Variants in SEPTIN8 observed in about 807,000 individuals in gnomAD.
SEPTIN8 encodes septin-8.
A neutral mutation model predicts 53.1 loss-of-function variants in SEPTIN8; 22 were observed. That is an observed-to-expected ratio of 0.41 (90% CI 0.30 to 0.59). The LOEUF (loss-of-function observed/expected upper bound fraction) is 0.59. Among genes scored for constraint, SEPTIN8 ranks in the 20% least tolerant of loss-of-function variants. The probability of loss-of-function intolerance (pLI) is 0.24; values close to 1 mark genes in which losing one functional copy is unlikely to be tolerated. For missense variants in SEPTIN8, 536 were observed against 638.7 expected (o/e 0.84, Z 1.73); for synonymous variants, 228 against 248.4 (o/e 0.92, Z 0.77).
At chr5:132,778,869 T>C (rs1232591436), upstream of SEPTIN8, among the ~76,000 whole-genome samples, 1 of 152,234 alleles carries the variant, frequency 6.6e-6, no homozygotes, top group Non-Finnish European at 1.5e-5. Context: ...CATCCTAGAC[T>C]GTATCTACTG....
At position 132,752,053 on chromosome 5, in the gene SEPTIN8, A is replaced by G. The variant is rs1422617646; in HGVS notation, c.1415T>C (p.Leu472Pro). 6.2e-7 allele frequency: 1 copy of G among 1,610,274 alleles called. No homozygotes were observed. The change falls in exon 10 of 10, where the codon CTG (leucine) becomes CCG (proline). Residue 472 changes from leucine (L) to proline (P), a missense_variant. Transcript: ENST00000378719. ...TTCCCTCCACGTCGCATCCCTGACC[A>G]GGCAGCTGCAGCACTGTATGGCGGG... ...WWPAIQCCSCLVRDATWREGF... is the reference protein window; with the variant it reads ...WWPAIQCCSCPVRDATWREGF...
chr5:132,770,521 G>C (rs1040881423), intron 1 of SEPTIN8, among the ~76,000 whole-genome samples: 1 of 152,130 alleles, frequency 6.6e-6, no homozygotes, highest in Non-Finnish European at 1.5e-5. Context: ...AATTTTTAAA[G>C]ATTGACAACC....
chr5:132,779,245 C>T (rs888015176), upstream of SEPTIN8, among the ~76,000 whole-genome samples: 2 of 152,180 alleles, frequency 1.3e-5, no homozygotes, highest in African/African-American at 4.8e-5. Context: ...ATATAACGAT[C>T]ATTTCTCACA....
Position 132,761,518 on chromosome 5 carries a change from C to T in SEPTIN8, c.902G>A (p.Arg301Gln), listed in dbSNP as rs774060235. Reference protein sequence around the residue: ...QTHSRHYELYRRCKLEEMGFQ... With the variant: ...QTHSRHYELYQRCKLEEMGFQ... Reference sequence around the variant, plus strand: ...GCCCATCTCCTCCAACTTGCAGCGCCGGTAGAGCTCGTAGTGCCGGCTGTG... The same window carrying T: ...GCCCATCTCCTCCAACTTGCAGCGCTGGTAGAGCTCGTAGTGCCGGCTGTG... The change falls in exon 7 of 10, where the codon CGG (arginine) becomes CAG (glutamine). Residue 301 changes from arginine to glutamine, a missense_variant. Around this residue, in one of 3 missense-constraint regions of SEPTIN8, gnomAD observed 395 missense variants for 451.8 expected, o/e 0.87. Coordinates refer to ENST00000378719, the MANE Select transcript of SEPTIN8 (RefSeq NM_001098811.2). This position sits in a 1 kb window ranked among gnomAD's most constrained non-coding sequence, Gnocchi z 5.8. The T allele has an allele frequency of 8.7e-6, 14 of 1,613,656 alleles. No homozygotes were observed. The highest frequency in any genetic ancestry group is 8.0e-5 in the African/African-American group (6 of 74,878).
At position 132,751,165 on chromosome 5, in the gene SEPTIN8, T is replaced by A; in HGVS notation, c.*851A>T. ...CATACGGAAGAGTGAAAAGGTATCT[T>A]AAATCCAACACAGTTCCACCAGACT... On this transcript the variant is annotated 3_prime_UTR_variant, in exon 10 of 10. Coordinates refer to ENST00000378719, the MANE Select transcript of SEPTIN8 (RefSeq NM_001098811.2). The A allele has an allele frequency of 1.6e-6, 1 of 635,338 alleles. No homozygotes were observed. Among genetic ancestry groups the A allele is most frequent in the Non-Finnish European group, 2.5e-6 (1 of 395,600 alleles). 39.4% of individuals were successfully genotyped at this position (635,338 alleles called of 1,614,324 possible). A position where few individuals can be genotyped will look rare whatever the true frequency, so the allele number is the denominator to read the frequency against.
intron 1 of SEPTIN8, among the ~76,000 whole-genome samples, chr5:132,769,982 CATATA>C: frequency 1.8e-5 from 1 of 55,350 alleles, no homozygotes; most frequent in African/African-American, 6.0e-5. Context: ...TCTATATATA[CATATA>C]TATATATATA....
At position 132,765,887 on chromosome 5, in the gene SEPTIN8, T is replaced by C. The variant is rs184082554; in HGVS notation, c.31-358A>G. On this transcript the variant is annotated intron_variant, in intron 1 of 9. Coordinates refer to ENST00000378719, the MANE Select transcript of SEPTIN8 (RefSeq NM_001098811.2). ...TTCCTACTCAGGAGGAGGCCCCAGA[T>C]GGTCCCAGAGGACCAGATTGGAAAG... 2.6e-5 allele frequency among the ~76,000 whole-genome samples: 4 copies of C among 152,280 alleles called. No individual in the cohort carries two copies. The East Asian group carries it at 7.7e-4, about 30-fold the overall frequency.
At chr5:132,770,877 T>C (rs1757256708) in intron 1 of SEPTIN8, among the ~76,000 whole-genome samples, 1 of 152,196 alleles carries the variant, frequency 6.6e-6, no homozygotes, top group Non-Finnish European at 1.5e-5. Context: ...ACATATGCAA[T>C]GAGAAACTCC....
intron 1 of SEPTIN8, among the ~76,000 whole-genome samples, chr5:132,767,186 C>T (rs890219728): frequency 6.6e-6 from 1 of 152,194 alleles, no homozygotes; most frequent in African/African-American, 2.4e-5. Flanking sequence ...CTCCTTAGGG[C>T]TGCAAACATA....
At chr5:132,777,677 A>G, upstream of SEPTIN8, 1 of 985,506 alleles carries the variant, frequency 1.0e-6, no homozygotes, top group Non-Finnish European at 1.2e-6. The surrounding 1 kb of genome is among the most constrained non-coding windows in gnomAD (Gnocchi z 4.1). Context: ...ACCACCAACC[A>G]GAGTGTGGAC....
chr5:132,773,229 T>C lies in SEPTIN8; in HGVS notation c.30+3879A>G, dbSNP rs894304199. On this transcript the variant is annotated intron_variant, in intron 1 of 9. Transcript: ENST00000378719. The surrounding 1 kb of genome is among the most constrained non-coding windows in gnomAD (Gnocchi z 4.2). The stretch of plus-strand genomic sequence containing the variant: ...CAGATGTGTCTCCCTCCTGCATGCA[T>C]AGCTCTGCATCTGGTTATCTGGCAA... Among the ~76,000 whole-genome samples, 4 of 152,156 alleles carry C rather than the reference T, an allele frequency of 2.6e-5. No homozygotes were observed. Among genetic ancestry groups the C allele is most frequent in the Admixed American group, 6.5e-5 (1 of 15,280 alleles).
At position 132,761,027 on chromosome 5, in the gene SEPTIN8, C is replaced by A. The variant is rs1218025557; in HGVS notation, c.1096-35G>T. Reference sequence around the variant, plus strand: ...GAAAGGGGGCAGAAGATGCGGGGAGCAAGAGGAGGGCTTGAGCCTGGGCCA... The same window carrying A: ...GAAAGGGGGCAGAAGATGCGGGGAGAAAGAGGAGGGCTTGAGCCTGGGCCA... On this transcript the variant is annotated intron_variant, in intron 8 of 9. Coordinates refer to ENST00000378719, the MANE Select transcript of SEPTIN8 (RefSeq NM_001098811.2). This position sits in a 1 kb window ranked among gnomAD's most constrained non-coding sequence, Gnocchi z 5.8. The A allele has an allele frequency of 1.9e-6, 3 of 1,588,816 alleles. No homozygotes were observed. Among genetic ancestry groups the A allele is most frequent in the South Asian group, 2.3e-5 (2 of 85,726 alleles).
Position 132,761,455 on chromosome 5 carries a change from CA to C in SEPTIN8, c.962+2del. 1 of 1,608,754 alleles carries C rather than the reference CA, an allele frequency of 6.2e-7. No individual in the cohort carries two copies. The highest frequency in any genetic ancestry group is 2.2e-5 in the East Asian group (1 of 44,862). ...ACAGGCTCACTCTGGCTCAGGCTGT[CA>C]CCTGAAGGGCTGGCTGTCACCATCG... On this transcript the variant is annotated splice_donor_variant, in intron 7 of 9. Transcript: ENST00000378719. LOFTEE classifies it high-confidence loss of function. The surrounding 1 kb of genome is among the most constrained non-coding windows in gnomAD (Gnocchi z 5.8).
At chr5:132,769,983 A>G (rs1757011254) in intron 1 of SEPTIN8, among the ~76,000 whole-genome samples, 1 of 17,044 alleles carries the variant, frequency 5.9e-5, no homozygotes, top group South Asian at 1.7e-3. Flanking sequence ...CTATATATAC[A>G]TATATATATA....
rs1380768721 is a variant in SEPTIN8, at chr5:132,760,326, C to A, written c.1286+476G>T. ...AGATGCTGACATTCCCAGGTCCTGT[C>A]CCGCCCCTGGCCTGAAAGACCATTC... On this transcript the variant is annotated intron_variant, in intron 9 of 9. Transcript: ENST00000378719. The surrounding 1 kb of genome is among the most constrained non-coding windows in gnomAD (Gnocchi z 5.2). Among the ~76,000 whole-genome samples, 1 of 152,104 alleles carries A rather than the reference C, an allele frequency of 6.6e-6. No individual in the cohort carries two copies. The highest frequency in any genetic ancestry group is 2.4e-5 in the African/African-American group (1 of 41,416).
At chr5:132,758,507 A>G (rs979164372) in intron 9 of SEPTIN8, 2 of 1,613,334 alleles carry the variant, frequency 1.2e-6, no homozygotes, top group Non-Finnish European at 1.7e-6. Flanking sequence ...GGCACATAAC[A>G]GCTCCGTCAG....
rs1453678399 is a variant in SEPTIN8, at chr5:132,764,445, G to A, written c.152-26C>T. On this transcript the variant is annotated intron_variant, in intron 2 of 9. Transcript: ENST00000378719. Reference sequence around the variant, plus strand: ...CTGGGCAGTGAGGACAGGAGGGGAAGAAGTGGGTGTCATAGGCTGGAAATG... The same window carrying A: ...CTGGGCAGTGAGGACAGGAGGGGAAAAAGTGGGTGTCATAGGCTGGAAATG... The A allele has an allele frequency of 2.5e-6, 4 of 1,588,690 alleles. No individual in the cohort carries two copies. In the South Asian group the frequency reaches 3.4e-5, roughly 14 times the overall value.
rs747967789 is a variant in SEPTIN8 at position 132,763,876 on chromosome 5, C to T, written c.364G>A (p.Asp122Asn). 1 of 1,579,054 alleles carries T rather than the reference C, an allele frequency of 6.3e-7. No homozygotes were observed. The highest frequency in any genetic ancestry group is 8.6e-7 in the Non-Finnish European group (1 of 1,161,688). ...NKDESYRPIV[D>N]YIDAQFENYL... ...TTTTCAAACTGCGCATCGATGTAGT[C>T]AACTATGGGCCTGTAACTACAGACA... Residue 122 changes from aspartate (D) to asparagine (N), a missense_variant, in exon 4 of 10, where the codon GAC (aspartate) becomes AAC (asparagine). Around this residue, in one of 3 missense-constraint regions of SEPTIN8, gnomAD observed 395 missense variants for 451.8 expected, o/e 0.87. Transcript: ENST00000378719.
chr5:132,766,653 G>A (rs930095968), intron 1 of SEPTIN8, among the ~76,000 whole-genome samples: 8 of 152,190 alleles, frequency 5.3e-5, no homozygotes, highest in Non-Finnish European at 8.8e-5. Context: ...AAGGGGCAGC[G>A]GATTCAGAGT....
Sources: gnomAD v4.1 joint callset for allele counts (sites outside exome capture counted in the v4.1 genomes callset) on GRCh38, gnomAD v4.1.1 for gene constraint, gnomAD v4.1.1 regional missense constraint, Gnocchi (gnomAD v3.1) non-coding constraint, MANE v1.5 for transcripts, NCBI Gene and HGNC (gene_info 2026-07-23, HGNC 2026-07-21) for gene names.